Variants in SCAPER observed in about 807,000 individuals in gnomAD.
SCAPER encodes S-phase cyclin A associated protein in the ER.
SCAPER carries 98 observed loss-of-function variants against 182.2 expected under a neutral mutation model. That is an observed-to-expected ratio of 0.54 (90% CI 0.46 to 0.64). The LOEUF is 0.64. Ranked by LOEUF, SCAPER falls within the 30% of genes least tolerant of loss-of-function variation. SCAPER has a pLI of 0.00. For synonymous variants in SCAPER, 605 were observed against 564.6 expected (o/e 1.07, Z -1.01); for missense variants, 1,432 against 1,690.0 (o/e 0.85, Z 2.68).
intron 4 of SCAPER, among the ~76,000 whole-genome samples, chr15:76,842,867 G>C (rs1225615314): frequency 1.3e-5 from 2 of 152,138 alleles, no homozygotes; most frequent in African/African-American, 4.8e-5. Flanking sequence ...TAGACTGTTG[G>C]CTGAGGTTCA....
Position 76,623,828 on chromosome 15 carries a change from CAGA to C in SCAPER, c.2646-2002_2646-2000del, listed in dbSNP as rs143088629. 5.4e-3 allele frequency among the ~76,000 whole-genome samples: 818 copies of C among 152,110 alleles called. 7 individuals are homozygous for C. Among genetic ancestry groups the C allele is most frequent in the African/African-American group, 0.018 (763 of 41,446 alleles). The stretch of plus-strand genomic sequence containing the variant: ...GACCATATGATCATCTCAATAGATG[CAGA>C]AGAAGTTTTCAATAAAATCCAACAT... On this transcript the variant is annotated intron_variant, in intron 21 of 31. Coordinates refer to ENST00000563290, the MANE Select transcript of SCAPER (RefSeq NM_020843.4).
chr15:76,386,892 G>A (rs1436633681), intron 27 of SCAPER, among the ~76,000 whole-genome samples: 2 of 152,184 alleles, frequency 1.3e-5, no homozygotes, highest in Admixed American at 6.5e-5. Context: ...GCCATTGTAA[G>A]GTTTTGAGCA....
chr15:76,561,944 G>T (rs1355276133), intron 23 of SCAPER, among the ~76,000 whole-genome samples: 1 of 150,952 alleles, frequency 6.6e-6, no homozygotes, highest in Non-Finnish European at 1.5e-5. Context: ...TCAGGAGTTC[G>T]AAACCCACCT....
chr15:76,789,875 T>C (rs192125148), intron 8 of SCAPER, among the ~76,000 whole-genome samples: 30 of 152,328 alleles, frequency 2.0e-4, no homozygotes, highest in Admixed American at 1.9e-3. Context: ...AATCCCAATC[T>C]TACTGTGAAA....
chr15:76,653,517 C>G (rs2146581729), intron 21 of SCAPER, among the ~76,000 whole-genome samples: 2 of 152,256 alleles, frequency 1.3e-5, no homozygotes, highest in Middle Eastern at 6.8e-3. Flanking sequence ...AAAACTGACA[C>G]ATAGACCAAC....
intron 14 of SCAPER, among the ~76,000 whole-genome samples, chr15:76,759,405 A>G (rs796126303): frequency 2.0e-5 from 3 of 152,292 alleles, no homozygotes; most frequent in African/African-American, 7.2e-5. Flanking sequence ...TGGCATGGGC[A>G]CTATGGGGAG....
intron 23 of SCAPER, among the ~76,000 whole-genome samples, chr15:76,547,327 T>C (rs1014119301): frequency 2.0e-5 from 3 of 152,194 alleles, no homozygotes; most frequent in African/African-American, 7.2e-5. Flanking sequence ...CGTGGATTTC[T>C]TTTTCTATGG....
intron 15 of SCAPER, chr15:76,737,071 T>C (rs986055731): frequency 3.3e-5 from 5 of 152,570 alleles, no homozygotes; most frequent in African/African-American, 1.2e-4. Flanking sequence ...TTAATGTTGA[T>C]ATTTTGACTT....
At chr15:76,654,737 T>C (rs932997285) in intron 21 of SCAPER, among the ~76,000 whole-genome samples, 1 of 152,214 alleles carries the variant, frequency 6.6e-6, no homozygotes, top group Non-Finnish European at 1.5e-5. Flanking sequence ...TCAGGCATCC[T>C]GCTTTCCCTG....
chr15:76,852,991 G>A (rs1486317972), intron 4 of SCAPER, among the ~76,000 whole-genome samples: 1 of 152,142 alleles, frequency 6.6e-6, no homozygotes, highest in African/African-American at 2.4e-5. Context: ...AATTGGAAAT[G>A]TCATGTTACC....
intron 23 of SCAPER, among the ~76,000 whole-genome samples, chr15:76,543,188 T>C (rs1475338771): frequency 2.0e-5 from 3 of 152,212 alleles, no homozygotes; most frequent in African/African-American, 7.2e-5. Context: ...AATATGTTAC[T>C]GCATGCAAAG....
chr15:76,609,391 A>C (rs2050773991), intron 22 of SCAPER, among the ~76,000 whole-genome samples: 1 of 151,764 alleles, frequency 6.6e-6, no homozygotes, highest in South Asian at 2.1e-4. Flanking sequence ...GAGGAGGCTG[A>C]GTTGGGAGTT....
intron 26 of SCAPER, among the ~76,000 whole-genome samples, chr15:76,428,463 T>G (rs960183898): frequency 6.6e-6 from 1 of 152,162 alleles, no homozygotes; most frequent in Non-Finnish European, 1.5e-5. Flanking sequence ...TGGATGGACT[T>G]GGAGGTTTGT....
chr15:76,797,588 G>A (rs1433633769), intron 7 of SCAPER: 1 of 152,138 alleles, frequency 6.6e-6, no homozygotes, highest in Non-Finnish European at 1.5e-5. Context: ...ACAAGCAAAG[G>A]CAGTTATAAA....
At chr15:76,869,993 C>G (rs1323515795) in intron 2 of SCAPER, among the ~76,000 whole-genome samples, 6 of 152,062 alleles carry the variant, frequency 3.9e-5, no homozygotes, top group African/African-American at 1.4e-4. Context: ...AAGCCAAACA[C>G]AGAAAGAGAA....
At chr15:76,886,563 G>A (rs2073851652) in intron 1 of SCAPER, among the ~76,000 whole-genome samples, 1 of 152,210 alleles carries the variant, frequency 6.6e-6, no homozygotes. Context: ...GTTGGTGGGA[G>A]TGTAAATGAA....
At chr15:76,477,552 GC>G (rs532466639) in intron 24 of SCAPER, among the ~76,000 whole-genome samples, 63 of 151,992 alleles carry the variant, frequency 4.1e-4, no homozygotes, top group African/African-American at 1.4e-3. Flanking sequence ...ATTTTATGAA[GC>G]CTTTTGATAG....
chr15:76,458,866 C>G (rs1174960810), intron 25 of SCAPER, among the ~76,000 whole-genome samples: 1 of 152,076 alleles, frequency 6.6e-6, no homozygotes, highest in African/African-American at 2.4e-5. Flanking sequence ...AACTAACTTT[C>G]TACTCTCTAT....
At chr15:76,420,736 C>T (rs570351871) in intron 26 of SCAPER, among the ~76,000 whole-genome samples, 32 of 152,152 alleles carry the variant, frequency 2.1e-4, no homozygotes, top group Non-Finnish European at 4.3e-4. Context: ...TCACCATTTA[C>T]ATTCGGTATA....
Sources: gnomAD v4.1 joint callset for allele counts (sites outside exome capture counted in the v4.1 genomes callset) on GRCh38, gnomAD v4.1.1 for gene constraint, MANE v1.5 for transcripts, NCBI Gene and HGNC (gene_info 2026-07-23, HGNC 2026-07-21) for gene names.